THOP1: variants seen among roughly 807,000 people sequenced by gnomAD.
THOP1 encodes the protein thimet oligopeptidase.
In THOP1, 49 loss-of-function variants were observed where a neutral mutation model predicts 71.8. That is an observed-to-expected ratio of 0.68 (90% CI 0.54 to 0.87). The LOEUF (loss-of-function observed/expected upper bound fraction) is 0.87, where lower values mean the gene tolerates loss of function less well. THOP1 is among the 40% of genes least tolerant of loss of function. The pLI, the probability that THOP1 is intolerant of heterozygous loss-of-function variation, is 0.00. For missense variants in THOP1, 843 were observed against 975.6 expected (o/e 0.86, Z 1.81); for synonymous variants, 426 against 421.5 (o/e 1.01, Z -0.13).
Position 2,813,208 on chromosome 19 carries a change from C to G in THOP1, c.2002C>G (p.Gln668Glu), listed in dbSNP as rs764908935. ...LRRFLGRDPK[Q>E]DAFLLSKGLQ... is the part of the protein sequence containing the mutation. ...GCGCTTCCTGGGCCGTGACCCCAAG[C>G]AGGACGCCTTCCTCCTGAGCAAGGG... The change falls in exon 13 of 13, where the codon CAG becomes GAG. Residue 668 changes from glutamine (Q) to glutamate (E), a missense_variant. Coordinates refer to ENST00000307741, the MANE Select transcript of THOP1 (RefSeq NM_003249.5). 34 of 1,612,514 alleles carry G rather than the reference C, an allele frequency of 2.1e-5. No individual in the cohort carries two copies. The highest frequency in any genetic ancestry group is 2.9e-5 in the Non-Finnish European group (34 of 1,179,814).
At chr19:2,790,189 G>T (rs770476290) in intron 1 of THOP1, among the ~76,000 whole-genome samples, 1 of 152,310 alleles carries the variant, frequency 6.6e-6, no homozygotes, top group East Asian at 1.9e-4. Flanking sequence ...ATCTGCAACC[G>T]CGACAGCCAC....
Position 2,805,320 on chromosome 19 carries a change from C to T in THOP1, c.750+144C>T. On this transcript the variant is annotated intron_variant, in intron 6 of 12. Transcript: ENST00000307741. This position sits in a 1 kb window ranked among gnomAD's most constrained non-coding sequence, Gnocchi z 6.6. ...GGCCAGGCCCAGTGGCCAGCAGAGG[C>T]CTCCCTGTGGGGCTCTGCCGTGCCC... The T allele has an allele frequency of 9.6e-7, 1 of 1,041,256 alleles. No homozygotes were observed. Among genetic ancestry groups the T allele is most frequent in the Non-Finnish European group, 1.4e-6 (1 of 739,024 alleles). The allele number at this position is 1,041,256 out of a possible 1,614,324, so 64.5% of individuals were successfully genotyped here.
chr19:2,799,769 G>T lies in THOP1; in HGVS notation c.567G>T (p.Leu189=). 1 of 1,613,856 alleles carries T rather than the reference G, an allele frequency of 6.2e-7. No individual in the cohort carries two copies. Among genetic ancestry groups the T allele is most frequent in the East Asian group, 2.2e-5 (1 of 44,882 alleles). ...NKNLNEDTTF[L]PFTLQELGGL... ...ACCTGAACGAGGACACGACCTTCCT[G>T]CCCTTCACGCTCCAGGAGCTAGGTA... Residue 189 remains leucine (L), a synonymous_variant, in exon 5 of 13, where the codon CTG becomes CTT. Transcript: ENST00000307741.
intron 2 of THOP1, among the ~76,000 whole-genome samples, chr19:2,791,909 G>A (rs1203619221): frequency 2.0e-5 from 3 of 152,174 alleles, no homozygotes; most frequent in Admixed American, 2.0e-4. Context: ...TCTGTGCCTG[G>A]ACACCCAGTC....
rs1316663835 is a variant in THOP1, at chr19:2,813,323, TG to T, written c.*49del. Reference sequence around the variant, plus strand: ...AGTCTGGCCTGCGCTCCCGCCGCCCTGGTGCCTTAGCCCCCGGCACAGGATG... The same window carrying T: ...AGTCTGGCCTGCGCTCCCGCCGCCCTGTGCCTTAGCCCCCGGCACAGGATG... On this transcript the variant is annotated 3_prime_UTR_variant, in exon 13 of 13. Transcript: ENST00000307741. 1 of 1,540,752 alleles carries T rather than the reference TG, an allele frequency of 6.5e-7. No homozygotes were observed. Among genetic ancestry groups the T allele is most frequent in the African/African-American group, 1.4e-5 (1 of 73,352 alleles).
At chr19:2,796,755 G>A (rs1241701406) in intron 4 of THOP1, among the ~76,000 whole-genome samples, 1 of 152,108 alleles carries the variant, frequency 6.6e-6, no homozygotes, top group African/African-American at 2.4e-5. Context: ...CCCCTTCAGG[G>A]CTGACCCCCG....
Position 2,790,556 on chromosome 19 carries a change from T to G in THOP1, c.152T>G (p.Val51Gly). Residue 51 changes from valine (V) to glycine (G), a missense_variant, in exon 2 of 13, where the codon GTT becomes GGT. Transcript: ENST00000307741. ...CAGACCAAGCGCGTGTATGACCAGG[T>G]TGGCACCCAGGAGTTTGAGGACGTG... ...IEQTKRVYDQ[V>G]GTQEFEDVSY... is the part of the protein sequence containing the mutation. The G allele has an allele frequency of 6.2e-7, 1 of 1,607,628 alleles. No homozygotes were observed. The highest frequency in any genetic ancestry group is 1.1e-5 in the South Asian group (1 of 90,254).
chr19:2,811,469 C>G (rs1018356002), intron 11 of THOP1, 129 bp from the exon 12 acceptor site: 6 of 1,306,888 alleles, frequency 4.6e-6, no homozygotes, highest in Middle Eastern at 4.7e-4. Context: ...TGGTCTCGGC[C>G]CTCACCGTGA....
chr19:2,795,446 C>G (rs1915991453), intron 3 of THOP1, among the ~76,000 whole-genome samples: 1 of 152,258 alleles, frequency 6.6e-6, no homozygotes, highest in Non-Finnish European at 1.5e-5. Context: ...GACCCAGAGA[C>G]CCTCCTGCTG....
rs532049136 is a variant in THOP1, at chr19:2,804,033, G to A, written c.590-983G>A. On this transcript the variant is annotated intron_variant, in intron 5 of 12. Transcript: ENST00000307741. This position sits in a 1 kb window ranked among gnomAD's most constrained non-coding sequence, Gnocchi z 4.7. ...TTCTACCCCTACTGCTCTGGGGTCCGTGTGAGCTCCGGATCATTCTTTCCA... is the reference window on the plus strand; with the variant it reads ...TTCTACCCCTACTGCTCTGGGGTCCATGTGAGCTCCGGATCATTCTTTCCA... Among the ~76,000 whole-genome samples the A allele has an allele frequency of 1.3e-3, 190 of 151,650 alleles. 2 individuals carry two copies. In the South Asian group the frequency reaches 0.038, roughly 30 times the overall value.
intron 4 of THOP1, among the ~76,000 whole-genome samples, chr19:2,798,295 T>C (rs1362979424): frequency 6.6e-6 from 1 of 152,114 alleles, no homozygotes; most frequent in Non-Finnish European, 1.5e-5. Context: ...CCTCCCAAAC[T>C]GCTGGGATTA....
At position 2,801,523 on chromosome 19, in the gene THOP1, G is replaced by A. The variant is rs754931095; in HGVS notation, c.589+1732G>A. On this transcript the variant is annotated intron_variant, in intron 5 of 12. Transcript: ENST00000307741. The surrounding 1 kb of genome is among the most constrained non-coding windows in gnomAD (Gnocchi z 5.1). ...TGGGTGACAGTCTCCAGGGCTGTCC[G>A]CTGCTGCTGCCCCGGGACCTGTTTC... Among the ~76,000 whole-genome samples, 1 of 152,174 alleles carries A rather than the reference G, an allele frequency of 6.6e-6. No homozygotes were observed. The highest frequency in any genetic ancestry group is 1.5e-5 in the Non-Finnish European group (1 of 68,030).
Position 2,813,190 on chromosome 19 carries a change from C to T in THOP1, c.1984C>T (p.Leu662=). The T allele has an allele frequency of 6.2e-7, 1 of 1,612,542 alleles. No homozygotes were observed. The highest frequency in any genetic ancestry group is 8.5e-7 in the Non-Finnish European group (1 of 1,179,792). Residue 662 remains leucine (L), a synonymous_variant, in exon 13 of 13, where the codon CTG becomes TTG. Coordinates refer to ENST00000307741, the MANE Select transcript of THOP1 (RefSeq NM_003249.5). The part of the protein sequence containing the change: ...EDASAMLRRF[L]GRDPKQDAFL... ...TGCCAGCGCCATGCTGAGGCGCTTC[C>T]TGGGCCGTGACCCCAAGCAGGACGC...
chr19:2,811,656 C>T lies in THOP1; in HGVS notation c.1830C>T (p.Tyr610=), dbSNP rs533845675. The T allele has an allele frequency of 3.0e-5, 49 of 1,613,474 alleles. No individual in the cohort carries two copies. Among genetic ancestry groups the T allele is most frequent in the South Asian group, 1.3e-4 (12 of 91,080 alleles). The stretch of plus-strand genomic sequence containing the variant: ...CAGGTGGCTACGACGCCCAGTACTA[C>T]GGGTACCTGTGGAGCGAGGTGTATT... ...HLAGGYDAQY[Y]GYLWSEVYSM... The change falls in exon 12 of 13, where the codon TAC becomes TAT. Residue 610 remains tyrosine, a synonymous_variant. Coordinates refer to ENST00000307741, the MANE Select transcript of THOP1 (RefSeq NM_003249.5).
rs1916415114 is a variant in THOP1, at chr19:2,810,015, A to C, written c.1456-289A>C. ...CAGGTCCCAACCCCTCGGGGTGCGG[A>C]GCTTTCAGGGAGCAGCAGCTCTGTG... On this transcript the variant is annotated intron_variant, in intron 9 of 12. Transcript: ENST00000307741. 1.5e-5 allele frequency: 7 copies of C among 475,422 alleles called. 1 individual carries two copies. The South Asian group carries it at 2.2e-4, about 15-fold the overall frequency. 29.5% of individuals were successfully genotyped at this position (475,422 alleles called of 1,614,324 possible). A position where few individuals can be genotyped will look rare whatever the true frequency, so the allele number is the denominator to read the frequency against.
rs139143222 is a variant in THOP1, at chr19:2,792,654, T to G, written c.229+2021T>G. ...AATTATTATTATTAGGGTTTTTTTT[T>G]GTTTGTTTTTTGTTTTTTTAGAATG... On this transcript the variant is annotated intron_variant, in intron 2 of 12. Transcript: ENST00000307741. 6.5e-3 allele frequency among the ~76,000 whole-genome samples: 981 copies of G among 151,910 alleles called. 13 individuals carry two copies. Among genetic ancestry groups the G allele is most frequent in the African/African-American group, 0.023 (933 of 41,418 alleles).
At chr19:2,795,152 G>A (rs974714068) in intron 3 of THOP1, among the ~76,000 whole-genome samples, 8 of 152,220 alleles carry the variant, frequency 5.3e-5, no homozygotes, top group Non-Finnish European at 1.5e-5. Flanking sequence ...TAGGCACAGG[G>A]TTTTGCCATG....
At chr19:2,811,502 G>C (rs377493452) in intron 11 of THOP1, 96 bp from the exon 12 acceptor site, 1 of 1,487,978 alleles carries the variant, frequency 6.7e-7, no homozygotes, top group African/African-American at 1.4e-5. Context: ...TCCCTGTTCC[G>C]GGCAGGGGTC....
intron 1 of THOP1, among the ~76,000 whole-genome samples, chr19:2,789,122 A>G (rs924129895): frequency 2.0e-5 from 3 of 152,218 alleles, no homozygotes; most frequent in Non-Finnish European, 2.9e-5. Context: ...GACAGAAACC[A>G]TATGTGGCCC....
Sources: allele counts gnomAD v4.1 joint callset (sites outside exome capture counted in the v4.1 genomes callset), GRCh38; gene constraint gnomAD v4.1.1; non-coding constraint Gnocchi (gnomAD v3.1); transcripts MANE v1.5; gene names NCBI Gene and HGNC (gene_info 2026-07-23, HGNC 2026-07-21).